LRCH2: variants seen among roughly 807,000 people sequenced by gnomAD.
The protein encoded by LRCH2 is leucine rich repeats and calponin homology domain containing 2.
Under a neutral mutation model 68.9 loss-of-function variants are expected in LRCH2, and 38 were observed. The observed-to-expected ratio is 0.55, with a 90% CI of 0.43 to 0.72. The LOEUF (loss-of-function observed/expected upper bound fraction) is 0.72, where lower values mean the gene tolerates loss of function less well. LRCH2 is among the 30% of genes least tolerant of loss of function. LRCH2 has a pLI of 0.00. For synonymous variants in LRCH2, 191 were observed against 208.1 expected (o/e 0.92, Z 0.71); for missense variants, 528 against 572.9 (o/e 0.92, Z 0.80).
chrX:115,118,564 T>C (rs1200362665), intron 20 of LRCH2, among the ~76,000 whole-genome samples: 2 of 109,785 alleles, frequency 1.8e-5, no homozygotes, highest in South Asian at 3.9e-4. Context: ...ACCAGATGGA[T>C]TCACAGCTGA....
intron 20 of LRCH2, among the ~76,000 whole-genome samples, chrX:115,120,247 G>A (rs1217101406): frequency 6.6e-5 from 6 of 90,956 alleles, no homozygotes; most frequent in Non-Finnish European, 1.1e-4. Flanking sequence ...TACAAAATGG[G>A]AGAAAATTTT....
rs972837107 is a variant in LRCH2 at position 115,113,073 on chromosome X, T to G, written c.*143A>C. 1.6e-5 allele frequency: 7 copies of G among 449,154 alleles called. No homozygotes were observed. The highest frequency in any genetic ancestry group is 2.0e-5 in the Non-Finnish European group (6 of 294,490). The allele number at this position is 449,154 out of a possible 1,213,427, so 37.0% of individuals were successfully genotyped here. Reference sequence around the variant, plus strand: ...CGGGCAATTCAATGTTTAAGTTTGATGTTTCAATGTAATTTTTTTAAAATC... The same window carrying G: ...CGGGCAATTCAATGTTTAAGTTTGAGGTTTCAATGTAATTTTTTTAAAATC... On this transcript the variant is annotated 3_prime_UTR_variant, in exon 21 of 21. Coordinates refer to ENST00000317135, the MANE Select transcript of LRCH2 (RefSeq NM_020871.4).
intron 14 of LRCH2, among the ~76,000 whole-genome samples, chrX:115,143,331 C>T (rs1334534510): frequency 2.7e-5 from 3 of 110,657 alleles, no homozygotes; most frequent in Non-Finnish European, 5.7e-5. Flanking sequence ...TTCGAAGGGC[C>T]ACTACTAGCT....
chrX:115,228,487 T>A (rs782358563), intron 1 of LRCH2, among the ~76,000 whole-genome samples: 1 of 111,291 alleles, frequency 9.0e-6, no homozygotes, highest in African/African-American at 3.3e-5. Context: ...GAGAACAAGA[T>A]GCCTCTTTTG....
intron 1 of LRCH2, among the ~76,000 whole-genome samples, chrX:115,223,800 C>A (rs1248863050): frequency 1.8e-5 from 2 of 109,074 alleles, no homozygotes; most frequent in Non-Finnish European, 3.8e-5. Context: ...GTGGCACACG[C>A]CTGTAATCAT....
intron 12 of LRCH2, among the ~76,000 whole-genome samples, chrX:115,153,891 C>A (rs934937634): frequency 1.8e-5 from 2 of 111,469 alleles, no homozygotes; most frequent in Admixed American, 9.5e-5. Context: ...AAACATACAG[C>A]AAACCTCAAA....
intron 1 of LRCH2, among the ~76,000 whole-genome samples, chrX:115,196,266 T>C (rs900231213): frequency 1.8e-5 from 2 of 110,827 alleles, no homozygotes; most frequent in Non-Finnish European, 3.8e-5. Flanking sequence ...AACAGCCAGG[T>C]TGGCTGCCAC....
intron 14 of LRCH2, among the ~76,000 whole-genome samples, chrX:115,137,353 G>C (rs1047419700): frequency 7.3e-5 from 8 of 109,634 alleles, no homozygotes; most frequent in African/African-American, 2.0e-4. Flanking sequence ...CAGATTTAGG[G>C]AACAGAAAAA....
At chrX:115,138,255 AC>A (rs1556532626) in intron 14 of LRCH2, among the ~76,000 whole-genome samples, 1 of 111,342 alleles carries the variant, frequency 9.0e-6, no homozygotes, top group African/African-American at 3.3e-5. Context: ...CCTGCAGCAT[AC>A]CGAAGGAGAA....
At chrX:115,129,556 C>T (rs782707855) in intron 15 of LRCH2, among the ~76,000 whole-genome samples, 2 of 111,059 alleles carry the variant, frequency 1.8e-5, no homozygotes, top group Non-Finnish European at 3.8e-5. Flanking sequence ...TTATTTTTCC[C>T]TGTGTGATTC....
At chrX:115,188,407 T>C in intron 1 of LRCH2, 37 bp from the exon 2 acceptor site, 2 of 952,237 alleles carry the variant, frequency 2.1e-6, no homozygotes, top group African/African-American at 2.0e-5. Context: ...CATATACCTA[T>C]ATCTATGGTA....
chrX:115,223,300 C>T (rs2073097046), intron 1 of LRCH2, among the ~76,000 whole-genome samples: 1 of 111,526 alleles, frequency 9.0e-6, no homozygotes. Flanking sequence ...TTAGACATGA[C>T]ACAAAAAGCA....
At chrX:115,148,880 A>G (rs2072409732) in intron 14 of LRCH2, among the ~76,000 whole-genome samples, 1 of 111,743 alleles carries the variant, frequency 8.9e-6, no homozygotes, top group African/African-American at 3.2e-5. Flanking sequence ...GTTTTGTTTT[A>G]GTCATGATAC....
intron 5 of LRCH2, 84 bp from the exon 6 acceptor site, chrX:115,170,516 TTACA>T: frequency 1.0e-5 from 8 of 797,985 alleles, no homozygotes; most frequent in Non-Finnish European, 1.3e-5. Flanking sequence ...TAGTCTCAAA[TTACA>T]TTGAGACATC....
intron 14 of LRCH2, among the ~76,000 whole-genome samples, chrX:115,135,089 A>C (rs1326718597): frequency 9.1e-6 from 1 of 109,913 alleles, no homozygotes; most frequent in Non-Finnish European, 1.9e-5. Context: ...AGGAGAACTA[A>C]AAGTAGAGTT....
chrX:115,206,655 T>C (rs894035518), intron 1 of LRCH2, among the ~76,000 whole-genome samples: 8 of 111,649 alleles, frequency 7.2e-5, no homozygotes, highest in African/African-American at 2.6e-4. Flanking sequence ...TCAGTAAATA[T>C]GCAGGTAAAT....
chrX:115,205,259 C>T (rs1556567557), intron 1 of LRCH2, among the ~76,000 whole-genome samples: 1 of 112,002 alleles, frequency 8.9e-6, no homozygotes, highest in East Asian at 2.8e-4. Context: ...GGTTACAATT[C>T]AATATGAGAT....
intron 1 of LRCH2, among the ~76,000 whole-genome samples, chrX:115,225,282 C>T (rs1393917001): frequency 9.0e-6 from 1 of 111,284 alleles, no homozygotes; most frequent in Non-Finnish European, 1.9e-5. Context: ...GAGAATGGGA[C>T]AGAGAGACAG....
chrX:115,130,096 A>G, intron 15 of LRCH2, 59 bp downstream of exon 15: 1 of 675,025 alleles, frequency 1.5e-6, no homozygotes. Flanking sequence ...ACTCTCACTG[A>G]GCCAACTTCA....
Sources: gnomAD v4.1 joint callset for allele counts (sites outside exome capture counted in the v4.1 genomes callset) on GRCh38, gnomAD v4.1.1 for gene constraint, MANE v1.5 for transcripts, NCBI Gene and HGNC (gene_info 2026-07-23, HGNC 2026-07-21) for gene names.